The following SLC35F1 variants were observed in gnomAD, a reference collection of about 807,000 sequenced individuals.
SLC35F1 encodes the protein chromosome 6 open reading frame 169.
SLC35F1 carries 14 observed loss-of-function variants against 48.7 expected under a neutral mutation model. The observed-to-expected ratio is 0.29, with a 90% CI of 0.19 to 0.45. The LOEUF (loss-of-function observed/expected upper bound fraction) is 0.45, where lower values mean the gene tolerates loss of function less well. SLC35F1 is among the 20% of genes least tolerant of loss of function. SLC35F1 has a pLI of 1.00. For missense variants in SLC35F1, 404 were observed against 500.0 expected, an observed-to-expected ratio of 0.81 and a Z score of 1.83; for synonymous variants, 190 against 202.2, an observed-to-expected ratio of 0.94 and a Z score of 0.51.
intron 7 of SLC35F1, among the ~76,000 whole-genome samples, chr6:118,286,351 AG>A: frequency 6.6e-6 from 1 of 152,332 alleles, no homozygotes; most frequent in Non-Finnish European, 1.5e-5. Context: ...CAGATGAAAC[AG>A]GGTGTAGACG....
chr6:118,296,785 G>T (rs1383999512), intron 7 of SLC35F1, among the ~76,000 whole-genome samples: 1 of 152,182 alleles, frequency 6.6e-6, no homozygotes. Flanking sequence ...GCAGCTAGTT[G>T]TCTCCCAGGA....
At chr6:118,152,384 G>T (rs1429951767) in intron 1 of SLC35F1, among the ~76,000 whole-genome samples, 1 of 152,122 alleles carries the variant, frequency 6.6e-6, no homozygotes, top group Non-Finnish European at 1.5e-5. Context: ...TTATTTGTTG[G>T]TCATGTAACA....
At chr6:118,313,383 G>C (rs1174434263) in intron 7 of SLC35F1, among the ~76,000 whole-genome samples, 1 of 152,194 alleles carries the variant, frequency 6.6e-6, no homozygotes, top group Non-Finnish European at 1.5e-5. Flanking sequence ...TGTCAAGCAA[G>C]TAGATTAGGA....
At chr6:117,914,908 T>TAA (rs570771175) in intron 1 of SLC35F1, among the ~76,000 whole-genome samples, 1 of 147,786 alleles carries the variant, frequency 6.8e-6, no homozygotes, top group Non-Finnish European at 1.5e-5. Context: ...TAAAAAATAT[T>TAA]AAAAAAAAAA....
chr6:118,235,001 C>A (rs2114582702), intron 2 of SLC35F1, among the ~76,000 whole-genome samples: 1 of 152,316 alleles, frequency 6.6e-6, no homozygotes, highest in Non-Finnish European at 1.5e-5. Context: ...CCATCACCCA[C>A]AAACCACTAG....
At chr6:118,235,164 TTG>T (rs757417958) in intron 2 of SLC35F1, among the ~76,000 whole-genome samples, 2 of 152,192 alleles carry the variant, frequency 1.3e-5, no homozygotes, top group Non-Finnish European at 2.9e-5. Flanking sequence ...ATTTGGAATG[TTG>T]TGTTTATGCA....
chr6:118,185,847 A>G (rs1209285809), intron 2 of SLC35F1, among the ~76,000 whole-genome samples: 1 of 152,160 alleles, frequency 6.6e-6, no homozygotes, highest in Admixed American at 6.5e-5. Flanking sequence ...TTTGTTGATT[A>G]CAACAAGCAC....
chr6:118,035,173 G>T (rs779268466), intron 1 of SLC35F1, among the ~76,000 whole-genome samples: 1 of 152,124 alleles, frequency 6.6e-6, no homozygotes, highest in Non-Finnish European at 1.5e-5. Flanking sequence ...GCATAAAATT[G>T]TTCTTAGTAT....
intron 1 of SLC35F1, among the ~76,000 whole-genome samples, chr6:118,042,230 A>G (rs1429074450): frequency 6.6e-6 from 1 of 152,220 alleles, no homozygotes; most frequent in Non-Finnish European, 1.5e-5. Context: ...ATACAAAGAT[A>G]AATAAGACAC....
At chr6:117,960,467 CAG>C (rs1042249591) in intron 1 of SLC35F1, among the ~76,000 whole-genome samples, 6 of 151,978 alleles carry the variant, frequency 3.9e-5, no homozygotes, top group African/African-American at 1.2e-4. Context: ...TCTAAAGAAT[CAG>C]GGGGAGGATT....
At chr6:117,912,436 T>C (rs1775775086) in intron 1 of SLC35F1, among the ~76,000 whole-genome samples, 1 of 152,182 alleles carries the variant, frequency 6.6e-6, no homozygotes, top group Non-Finnish European at 1.5e-5. Context: ...CATGAACCAA[T>C]GGATATGACT....
rs1296445109 is a variant in SLC35F1 at position 118,317,256 on chromosome 6, C to T, written c.*3004C>T. On this transcript the variant is annotated 3_prime_UTR_variant, in exon 8 of 8. Coordinates refer to ENST00000360388, the MANE Select transcript of SLC35F1 (RefSeq NM_001029858.4). ...CCTTGGTCAGACCTTCCCACATCTACATACTCTCAAATACATGACCAGGTG... is the reference window on the plus strand; with the variant it reads ...CCTTGGTCAGACCTTCCCACATCTATATACTCTCAAATACATGACCAGGTG... 6.6e-6 allele frequency: 1 copy of T among 152,142 alleles called. No homozygotes were observed. Among genetic ancestry groups the T allele is most frequent in the Non-Finnish European group, 1.5e-5 (1 of 68,044 alleles). The allele number at this position is 152,142 out of a possible 1,614,324, so 9.4% of individuals were successfully genotyped here. A position where few individuals can be genotyped will look rare whatever the true frequency, so the allele number is the denominator to read the frequency against.
chr6:117,966,131 G>GCCCCC lies in SLC35F1; in HGVS notation c.173+58239_173+58243dup, dbSNP rs35420310. 3.6e-3 allele frequency among the ~76,000 whole-genome samples: 359 copies of GCCCCC among 100,938 alleles called. 26 individuals are homozygous for GCCCCC. Among genetic ancestry groups the GCCCCC allele is most frequent in the African/African-American group, 6.5e-3 (152 of 23,496 alleles). 66.2% of individuals were successfully genotyped at this position (100,938 alleles called of 152,430 possible). ...AATAAGGGAATAAAAGCAGGCCACC[G>GCCCCC]CCCCCCCCCCCACTCCCGCCCCGCC... On this transcript the variant is annotated intron_variant, in intron 1 of 7. Transcript: ENST00000360388.
At chr6:118,008,291 A>G (rs1451605498) in intron 1 of SLC35F1, among the ~76,000 whole-genome samples, 5 of 144,238 alleles carry the variant, frequency 3.5e-5, no homozygotes, top group African/African-American at 1.0e-4. Context: ...AAAAAAAAAA[A>G]GCAGCGACTA....
intron 1 of SLC35F1, among the ~76,000 whole-genome samples, chr6:117,921,324 G>A (rs557176167): frequency 6.6e-6 from 1 of 152,358 alleles, no homozygotes; most frequent in Admixed American, 6.5e-5. Context: ...AAGTGTGAAT[G>A]CACCTGTAGA....
intron 1 of SLC35F1, among the ~76,000 whole-genome samples, chr6:118,083,699 T>C (rs1425667006): frequency 6.6e-6 from 1 of 152,246 alleles, no homozygotes; most frequent in Non-Finnish European, 1.5e-5. Context: ...TGGATCGTGA[T>C]TGGTATTTGG....
intron 1 of SLC35F1, among the ~76,000 whole-genome samples, chr6:117,994,890 A>G (rs1047999874): frequency 6.6e-6 from 1 of 152,226 alleles, no homozygotes; most frequent in Non-Finnish European, 1.5e-5. Flanking sequence ...TTTCAAGCAA[A>G]CCAATTAATA....
At chr6:117,983,970 TG>T (rs1410093532) in intron 1 of SLC35F1, among the ~76,000 whole-genome samples, 2 of 152,196 alleles carry the variant, frequency 1.3e-5, no homozygotes, top group Non-Finnish European at 2.9e-5. Flanking sequence ...TTGAACCCTT[TG>T]AGAAGTATAT....
intron 1 of SLC35F1, among the ~76,000 whole-genome samples, chr6:117,965,884 C>G (rs182590218): frequency 6.6e-6 from 1 of 151,992 alleles, no homozygotes; most frequent in Non-Finnish European, 1.5e-5. Context: ...CTATGTCTAA[C>G]TGATCGGGTA....
Sources: allele counts gnomAD v4.1 joint callset (sites outside exome capture counted in the v4.1 genomes callset), GRCh38; gene constraint gnomAD v4.1.1; transcripts MANE v1.5; gene names NCBI Gene and HGNC (gene_info 2026-07-23, HGNC 2026-07-21).